EXOC7: variants seen among roughly 807,000 people sequenced by gnomAD.
EXOC7 encodes exocyst complex component Exo70.
Under a neutral mutation model 87.6 loss-of-function variants are expected in EXOC7, and 51 were observed. That is an observed-to-expected ratio of 0.58 (90% CI 0.46 to 0.73). The LOEUF (loss-of-function observed/expected upper bound fraction) is 0.73, where lower values mean the gene tolerates loss of function less well. Among genes scored for constraint, EXOC7 ranks in the 30% least tolerant of loss-of-function variants. The pLI is 0.00. For missense variants in EXOC7, 744 were observed against 888.4 expected, an observed-to-expected ratio of 0.84 and a Z score of 2.07; for synonymous variants, 327 against 357.1, an observed-to-expected ratio of 0.92 and a Z score of 0.95.
In EXOC7 at chr17:76,081,024, T is replaced by C; in HGVS notation, c.*2624A>G. 2.2e-6 allele frequency: 1 copy of C among 455,662 alleles called. No individual in the cohort carries two copies. Among genetic ancestry groups the C allele is most frequent in the Admixed American group, 3.5e-5 (1 of 28,838 alleles). The allele number at this position is 455,662 out of a possible 1,614,324, so 28.2% of individuals were successfully genotyped here. A position where few individuals can be genotyped will look rare whatever the true frequency, so the allele number is the denominator to read the frequency against. On this transcript the variant is annotated 3_prime_UTR_variant, in exon 19 of 19. Transcript: ENST00000589210. ...CACTTCTCCCTCCATCATGAAGTGG[T>C]GCAAAGTACATTTATTTTTACAATG...
chr17:76,085,261 G>T, intron 15 of EXOC7, 53 bp downstream of exon 15: 1 of 1,401,312 alleles, frequency 7.1e-7, no homozygotes, highest in Non-Finnish European at 9.8e-7. Context: ...AGAAGGAAGA[G>T]TGCGTGGTGG....
intron 12 of EXOC7, 197 bp downstream of exon 12, chr17:76,087,457 A>G (rs1264001921): frequency 1.0e-5 from 6 of 597,800 alleles, no homozygotes; most frequent in Non-Finnish European, 1.8e-5. Flanking sequence ...GGGAGGGGCC[A>G]GAGGTCCAGT....
chr17:76,093,003 T>C (rs540301811), intron 6 of EXOC7: 1 of 152,470 alleles, frequency 6.6e-6, no homozygotes, highest in South Asian at 2.1e-4. Context: ...TGTGGTCCAC[T>C]GTGAGCCACC....
chr17:76,085,724 G>A lies in EXOC7; in HGVS notation c.1569C>T (p.Ala523=), dbSNP rs1160699269. Residue 523 remains alanine, a synonymous_variant, in exon 14 of 19, where the codon GCC becomes GCT. Transcript: ENST00000589210. ...SKVYEDPALS[A]IFLHNNYNYI... is the part of the protein sequence containing the mutation. Reference sequence around the variant, plus strand: ...AATTGTAGTTGTTGTGCAGGAAGATGGCGCTCAGAGCTGGGTCCTCGTACA... The same window carrying A: ...AATTGTAGTTGTTGTGCAGGAAGATAGCGCTCAGAGCTGGGTCCTCGTACA... 6.2e-7 allele frequency: 1 copy of A among 1,614,128 alleles called. No homozygotes were observed. Among genetic ancestry groups the A allele is most frequent in the Admixed American group, 1.7e-5 (1 of 60,018 alleles).
At chr17:76,098,847 C>T (rs1418680546) in intron 4 of EXOC7, among the ~76,000 whole-genome samples, 1 of 126,076 alleles carries the variant, frequency 7.9e-6, no homozygotes, top group African/African-American at 3.1e-5. Context: ...GCCTGGGTAA[C>T]AGAGTGAGAC....
At chr17:76,087,521 G>T in intron 12 of EXOC7, 133 bp downstream of exon 12, 1 of 846,552 alleles carries the variant, frequency 1.2e-6, no homozygotes, top group South Asian at 1.7e-5. Flanking sequence ...TCAGCCCCAG[G>T]GACCCTCTGC....
rs34141633 is a variant in EXOC7, at chr17:76,100,633, CA to C, written c.417+637del. 6.8e-3 allele frequency among the ~76,000 whole-genome samples: 884 copies of C among 130,808 alleles called. 5 individuals carry two copies. Among genetic ancestry groups the C allele is most frequent in the African/African-American group, 0.017 (640 of 37,446 alleles). 85.8% of individuals were successfully genotyped at this position (130,808 alleles called of 152,430 possible). A position where few individuals can be genotyped will look rare whatever the true frequency, so the allele number is the denominator to read the frequency against. ...GGGAAACAAGAGCAAAACTCCATCT[CA>C]AAAAAAAAAAAAATTTATATTATGT... On this transcript the variant is annotated intron_variant, in intron 4 of 18. Coordinates refer to ENST00000589210, the MANE Select transcript of EXOC7 (RefSeq NM_001013839.4).
intron 12 of EXOC7, 148 bp downstream of exon 12, chr17:76,087,506 G>A: frequency 2.7e-6 from 2 of 736,970 alleles, no homozygotes; most frequent in East Asian, 2.7e-5. Flanking sequence ...TTGCTCTCCT[G>A]ATGCTCAGCC....
In EXOC7 at chr17:76,088,576, G is replaced by C. The variant is rs2067320811; in HGVS notation, c.1201-14C>G. 2.5e-6 allele frequency: 4 copies of C among 1,611,668 alleles called. No individual in the cohort carries two copies. Among genetic ancestry groups the C allele is most frequent in the Non-Finnish European group, 3.4e-6 (4 of 1,178,818 alleles). ...GGCAGCCGTGCCCTGAGGAAGCACA[G>C]GGGAGCCCCCAGCTCACCTCCAGTC... On this transcript the variant is annotated splice_polypyrimidine_tract_variant and intron_variant, in intron 9 of 18. Coordinates refer to ENST00000589210, the MANE Select transcript of EXOC7 (RefSeq NM_001013839.4).
chr17:76,082,664 C>A lies in EXOC7; in HGVS notation c.*984G>T. On this transcript the variant is annotated 3_prime_UTR_variant, in exon 19 of 19. Coordinates refer to ENST00000589210, the MANE Select transcript of EXOC7 (RefSeq NM_001013839.4). ...CGGCCTAGACTGTAAAGGGGCAGGG[C>A]CTGGGCTGCACACCTTAGGATGAAG... The A allele has an allele frequency of 1.3e-6, 2 of 1,598,624 alleles. No homozygotes were observed. The highest frequency in any genetic ancestry group is 1.7e-6 in the Non-Finnish European group (2 of 1,172,616).
In EXOC7 at chr17:76,084,959, G is replaced by A. The variant is rs144083127; in HGVS notation, c.1712+355C>T. On this transcript the variant is annotated intron_variant, in intron 15 of 18. Coordinates refer to ENST00000589210, the MANE Select transcript of EXOC7 (RefSeq NM_001013839.4). The stretch of plus-strand genomic sequence containing the variant: ...GCCAGGAAGAAAGAGGACCAGAGAA[G>A]CAGCGGGATCCTCACAGAGCAAGGC... 3.0e-3 allele frequency among the ~76,000 whole-genome samples: 453 copies of A among 152,312 alleles called. 4 individuals carry two copies. The highest frequency in any genetic ancestry group is 0.01 in the African/African-American group (424 of 41,578).
intron 6 of EXOC7, chr17:76,092,763 TG>T (rs1362745159): frequency 6.6e-6 from 1 of 152,182 alleles, no homozygotes; most frequent in Non-Finnish European, 1.5e-5. Flanking sequence ...GTCGCCGATG[TG>T]GATCTAGCAG....
chr17:76,084,849 G>T, intron 15 of EXOC7: 1 of 527,464 alleles, frequency 1.9e-6, no homozygotes. Flanking sequence ...GGCAAACTAA[G>T]ATGGAGAAAC....
intron 4 of EXOC7, among the ~76,000 whole-genome samples, chr17:76,099,994 T>A (rs2067979781): frequency 1.3e-5 from 2 of 152,068 alleles, no homozygotes; most frequent in African/African-American, 4.8e-5. Context: ...CCCAGCTACT[T>A]GGAAGGCTGA....
chr17:76,101,177 T>G, intron 4 of EXOC7, 94 bp downstream of exon 4: 1 of 1,607,702 alleles, frequency 6.2e-7, no homozygotes, highest in Non-Finnish European at 8.5e-7. Context: ...TGTATTCTAC[T>G]GCATACATCC....
intron 7 of EXOC7, chr17:76,090,568 C>G (rs753724110): frequency 7.6e-7 from 1 of 1,311,186 alleles, no homozygotes; most frequent in Non-Finnish European, 1.0e-6. Flanking sequence ...CTCAAGCCAC[C>G]TTGGGAACAG....
At chr17:76,099,188 C>T (rs767118958) in intron 4 of EXOC7, among the ~76,000 whole-genome samples, 1 of 152,160 alleles carries the variant, frequency 6.6e-6, no homozygotes, top group Non-Finnish European at 1.5e-5. Context: ...ACCCAAGTGT[C>T]CATCAAAGGA....
intron 6 of EXOC7, among the ~76,000 whole-genome samples, chr17:76,092,062 C>T (rs1349962432): frequency 6.6e-6 from 1 of 152,136 alleles, no homozygotes; most frequent in East Asian, 1.9e-4. Flanking sequence ...CAGAAGACGT[C>T]GGGAAATCAA....
At chr17:76,098,049 T>G (rs1376068567) in intron 4 of EXOC7, 31 bp from the exon 5 acceptor site, 1 of 1,590,046 alleles carries the variant, frequency 6.3e-7, no homozygotes, top group African/African-American at 1.3e-5. Context: ...AGCAGGTGCC[T>G]GCTGCTTCAG....
Sources: allele counts gnomAD v4.1 joint callset (sites outside exome capture counted in the v4.1 genomes callset), GRCh38; gene constraint gnomAD v4.1.1; transcripts MANE v1.5; gene names NCBI Gene and HGNC (gene_info 2026-07-23, HGNC 2026-07-21).